The following KLHL13 variants were observed in gnomAD, a reference collection of about 807,000 sequenced individuals.
The protein encoded by KLHL13 is kelch-like protein 13.
In KLHL13, 10 loss-of-function variants were observed where a neutral mutation model predicts 37.1. The observed-to-expected ratio is 0.27, with a 90% CI of 0.17 to 0.46. The LOEUF is 0.46. KLHL13 is among the 20% of genes least tolerant of loss of function. KLHL13 has a pLI of 1.00. For missense variants in KLHL13, 360 were observed against 509.3 expected (o/e 0.71, Z 2.82); for synonymous variants, 163 against 181.2 (o/e 0.90, Z 0.81).
intron 1 of KLHL13, among the ~76,000 whole-genome samples, chrX:118,011,734 G>A: frequency 1.8e-5 from 2 of 111,377 alleles, no homozygotes; most frequent in South Asian, 7.6e-4. Flanking sequence ...AGATGACAAG[G>A]CAGGTACTCA....
rs759901543 is a variant in KLHL13, at chrX:118,004,772, A to G, written c.-55-59197T>C. On this transcript the variant is annotated intron_variant, in intron 1 of 6. Transcript: ENST00000371882. ...ACCTTGCAGTGGAGAGGCCTGACAG[A>G]TACCACCTTAATCAAGTTATCAAGT... 3.6e-5 allele frequency among the ~76,000 whole-genome samples: 4 copies of G among 112,109 alleles called. No individual in the cohort carries two copies. The South Asian group carries it at 1.5e-3, about 42-fold the overall frequency.
At chrX:118,028,617 CT>C in intron 1 of KLHL13, 120 bp from the exon 2 acceptor site, 1 of 339,837 alleles carries the variant, frequency 2.9e-6, no homozygotes, top group Non-Finnish European at 5.1e-6. Context: ...ATGTATGCCC[CT>C]GTACTTAATG....
chrX:118,104,541 T>A (rs2148181297), intron 1 of KLHL13, among the ~76,000 whole-genome samples: 1 of 111,681 alleles, frequency 9.0e-6, no homozygotes, highest in East Asian at 2.8e-4. Context: ...AAATATACAA[T>A]CAACTTGAAT....
At chrX:117,976,982 ATGT>A (rs371451183), upstream of KLHL13, among the ~76,000 whole-genome samples, 671 of 111,975 alleles carry the variant, frequency 6.0e-3, 6 homozygotes, top group African/African-American at 0.019. Flanking sequence ...AACTTGCCCA[ATGT>A]TGTATCACAA....
intron 1 of KLHL13, among the ~76,000 whole-genome samples, chrX:118,081,483 A>G (rs1209434288): frequency 9.0e-6 from 1 of 111,314 alleles, no homozygotes; most frequent in Admixed American, 9.6e-5. Context: ...TAATAATTGG[A>G]CATATTTTTG....
At chrX:118,043,361 G>C (rs890386526) in intron 1 of KLHL13, among the ~76,000 whole-genome samples, 1 of 111,498 alleles carries the variant, frequency 9.0e-6, no homozygotes, top group African/African-American at 3.3e-5. Flanking sequence ...AATGGAGGAG[G>C]AATGAATACT....
intron 2 of KLHL13, among the ~76,000 whole-genome samples, chrX:117,930,322 A>AGGC (rs1569418674): frequency 5.6e-4 from 42 of 74,777 alleles, no homozygotes; most frequent in African/African-American, 2.1e-3. Flanking sequence ...GGCAGGCAGG[A>AGGC]AGGCAGGAAG....
intron 1 of KLHL13, among the ~76,000 whole-genome samples, chrX:118,019,416 A>C (rs6646031): frequency 0.17 from 18,780 of 108,518 alleles, 2,626 homozygotes; most frequent in African/African-American, 0.45. Flanking sequence ...GAGTAGGTTG[A>C]AAAAATTTTC....
chrX:118,003,096 T>A (rs1445213238), intron 1 of KLHL13, among the ~76,000 whole-genome samples: 1 of 112,757 alleles, frequency 8.9e-6, no homozygotes, highest in Non-Finnish European at 1.9e-5. Context: ...TCTGAGAACC[T>A]AATGTGAAGA....
chrX:117,942,121 T>G (rs1455265055), intron 2 of KLHL13, among the ~76,000 whole-genome samples: 2 of 111,907 alleles, frequency 1.8e-5, no homozygotes, highest in East Asian at 5.6e-4. Context: ...GGTTGTTCAG[T>G]TTCCCTATAT....
intron 1 of KLHL13, among the ~76,000 whole-genome samples, chrX:118,060,577 A>C (rs1243864441): frequency 9.0e-6 from 1 of 111,095 alleles, no homozygotes; most frequent in Non-Finnish European, 1.9e-5. Flanking sequence ...TCCTCACAAC[A>C]ACCCAGAGAA....
chrX:118,032,741 G>A (rs1439389998), intron 1 of KLHL13, among the ~76,000 whole-genome samples: 2 of 112,450 alleles, frequency 1.8e-5, no homozygotes, highest in African/African-American at 6.5e-5. Flanking sequence ...GCTGGACGGA[G>A]AATGACTTTG....
chrX:117,915,978 G>C (rs1462226089), intron 4 of KLHL13, among the ~76,000 whole-genome samples: 1 of 112,104 alleles, frequency 8.9e-6, no homozygotes, highest in Non-Finnish European at 1.9e-5. Context: ...GACCAACATG[G>C]AGAAAGCTCG....
intron 1 of KLHL13, among the ~76,000 whole-genome samples, chrX:118,088,157 C>CTACTGAAGTAAGG (rs1386619954): frequency 1.8e-5 from 2 of 111,681 alleles, no homozygotes; most frequent in African/African-American, 6.5e-5. Flanking sequence ...TCACAGTAAG[C>CTACTGAAGTAAGG]TACTGAAGTA....
chrX:117,910,593 T>C (rs1930918806), intron 4 of KLHL13, among the ~76,000 whole-genome samples: 1 of 111,676 alleles, frequency 9.0e-6, no homozygotes, highest in Non-Finnish European at 1.9e-5. Context: ...TTCACGTAAA[T>C]AGGCATCACT....
intron 1 of KLHL13, among the ~76,000 whole-genome samples, chrX:118,091,363 A>C (rs147254415): frequency 0.016 from 1,847 of 112,016 alleles, 38 homozygotes; most frequent in African/African-American, 0.056. Flanking sequence ...CCATCATAAA[A>C]ATGCTTCATT....
At chrX:118,050,997 T>C (rs985496973) in intron 1 of KLHL13, among the ~76,000 whole-genome samples, 2 of 111,182 alleles carry the variant, frequency 1.8e-5, no homozygotes, top group Non-Finnish European at 3.8e-5. Context: ...TAAATGATTG[T>C]CTAAAAATTA....
chrX:118,038,990 T>C (rs2054479763), intron 1 of KLHL13, among the ~76,000 whole-genome samples: 1 of 112,260 alleles, frequency 8.9e-6, no homozygotes, highest in African/African-American at 3.2e-5. Context: ...GCAGGCACAG[T>C]TCTGAAGCCC....
At chrX:117,956,567 G>C (rs2053208721) in intron 1 of KLHL13, among the ~76,000 whole-genome samples, 1 of 112,232 alleles carries the variant, frequency 8.9e-6, no homozygotes, top group South Asian at 3.7e-4. Flanking sequence ...TATGAATTAT[G>C]AAGTAGTAAT....
Sources: gnomAD v4.1 joint callset for allele counts (sites outside exome capture counted in the v4.1 genomes callset) on GRCh38, gnomAD v4.1.1 for gene constraint, MANE v1.5 for transcripts, NCBI Gene and HGNC (gene_info 2026-07-23, HGNC 2026-07-21) for gene names.